Variants in MYH16 observed in about 807,000 individuals in gnomAD.
MYH16 encodes the protein putative uncharacterized protein MYH16.
At chr7:99,246,093 C>T (rs1210542318) in intron 2 of MYH16, among the ~76,000 whole-genome samples, 2 of 151,698 alleles carry the variant, frequency 1.3e-5, no homozygotes, top group East Asian at 3.9e-4. Flanking sequence ...GTAGTCCCAG[C>T]TACGTGGGAT....
chr7:99,309,946 T>C (rs112980096), downstream of MYH16, among the ~76,000 whole-genome samples: 3 of 151,780 alleles, frequency 2.0e-5, no homozygotes, highest in East Asian at 1.9e-4. Context: ...TGCTTGAACC[T>C]GTGAGGCAGA....
At chr7:99,246,021 G>A (rs945822427) in intron 2 of MYH16, among the ~76,000 whole-genome samples, 5 of 151,788 alleles carry the variant, frequency 3.3e-5, no homozygotes, top group African/African-American at 9.7e-5. Flanking sequence ...GAGCAACACG[G>A]CAAGACTCCC....
At chr7:99,252,386 T>C in intron 6 of MYH16, 1 of 153,038 alleles carries the variant, frequency 6.5e-6, no homozygotes, top group Non-Finnish European at 1.5e-5. Context: ...GGAGCAGAGG[T>C]GAGTACAGAC....
chr7:99,277,679 G>T, exon 21 of MYH16: 2 of 456,738 alleles, frequency 4.4e-6, no homozygotes, highest in Non-Finnish European at 8.8e-6. Flanking sequence ...CGCTCAGCCA[G>T]GAGAAGAATG....
chr7:99,282,672 T>C (rs750040737), intron 23 of MYH16, among the ~76,000 whole-genome samples: 40 of 151,950 alleles, frequency 2.6e-4, no homozygotes, highest in Middle Eastern at 3.4e-3. Flanking sequence ...AGCTTCGCAC[T>C]CTCACCTGAG....
At chr7:99,279,769 T>C (rs996741973) in intron 22 of MYH16, 32 bp downstream of exon 4, 1 of 448,470 alleles carries the variant, frequency 2.2e-6, no homozygotes, top group Non-Finnish European at 4.5e-6. Flanking sequence ...GCCACGCTTT[T>C]CTCAGGCCAC....
chr7:99,256,271 T>C (rs1198496593), intron 9 of MYH16, among the ~76,000 whole-genome samples: 1 of 71,034 alleles, frequency 1.4e-5, no homozygotes, highest in Non-Finnish European at 2.7e-5. Flanking sequence ...AGATCCCGTC[T>C]CTGCAAAAAA....
intron 28 of MYH16, 79 bp from the exon 10 acceptor site, chr7:99,287,813 C>T (rs1792301174): frequency 2.4e-6 from 1 of 409,336 alleles, no homozygotes; most frequent in African/African-American, 2.1e-5. Flanking sequence ...ATCAGGGGAC[C>T]ACCGAGCAGC....
At chr7:99,283,620 A>C (rs1364701536) in exon 24 of MYH16, 5 of 456,498 alleles carry the variant, frequency 1.1e-5, no homozygotes. Flanking sequence ...CTGACCAAAA[A>C]TAACAGCAAG....
chr7:99,256,144 A>C (rs1255224021), intron 9 of MYH16, among the ~76,000 whole-genome samples: 1 of 152,006 alleles, frequency 6.6e-6, no homozygotes, highest in Non-Finnish European at 1.5e-5. Flanking sequence ...TGAAGCCTTA[A>C]CAATAATAAT....
At chr7:99,280,158 C>A (rs1266281115) in intron 22 of MYH16, among the ~76,000 whole-genome samples, 4 of 152,184 alleles carry the variant, frequency 2.6e-5, no homozygotes, top group Admixed American at 2.6e-4. Flanking sequence ...CAGGCATGGG[C>A]CACCATACCC....
intron 9 of MYH16, chr7:99,257,235 C>G (rs1791882354): frequency 6.5e-6 from 1 of 152,710 alleles, no homozygotes; most frequent in Non-Finnish European, 1.5e-5. Context: ...GTGTGGCAGT[C>G]CCATGGCCTC....
At chr7:99,284,956 C>T (rs902252583) in intron 26 of MYH16, 21 bp downstream of exon 8, 3 of 456,366 alleles carry the variant, frequency 6.6e-6, no homozygotes, top group Admixed American at 4.7e-5. Context: ...GACCGAGAAG[C>T]ATGAGCTCTC....
chr7:99,282,462 ATTTTATTTTTTTTTAT>A (rs1235874207), intron 23 of MYH16, among the ~76,000 whole-genome samples: 1 of 148,306 alleles, frequency 6.7e-6, no homozygotes, highest in African/African-American at 2.6e-5. Flanking sequence ...TGGTCATAAC[ATTTTATTTTTTTTTAT>A]TTTTATTTTT....
chr7:99,290,641 A>T (rs1428936039), intron 30 of MYH16, among the ~76,000 whole-genome samples: 1 of 152,044 alleles, frequency 6.6e-6, no homozygotes, highest in Non-Finnish European at 1.5e-5. Context: ...CTCTACTAAA[A>T]ATACAAAAAA....
chr7:99,299,086 T>A (rs1043626647), intron 36 of MYH16, among the ~76,000 whole-genome samples: 15 of 144,906 alleles, frequency 1.0e-4, no homozygotes, highest in East Asian at 4.1e-4. Flanking sequence ...AAAATAAAAA[T>A]AAAAAAAAAA....
intron 23 of MYH16, among the ~76,000 whole-genome samples, chr7:99,283,009 A>G (rs1792222978): frequency 6.6e-6 from 1 of 152,152 alleles, no homozygotes; most frequent in Non-Finnish European, 1.5e-5. Flanking sequence ...CCAGAGCAAA[A>G]TGGGATGTCC....
intron 21 of MYH16, among the ~76,000 whole-genome samples, chr7:99,279,054 G>A (rs563611024): frequency 1.3e-5 from 2 of 152,172 alleles, no homozygotes; most frequent in East Asian, 1.9e-4. Context: ...TTAGCCGGGT[G>A]TGGTGGCACA....
intron 20 of MYH16, among the ~76,000 whole-genome samples, chr7:99,276,966 G>A (rs1267093178): frequency 2.6e-5 from 4 of 151,518 alleles, no homozygotes; most frequent in Admixed American, 1.3e-4. Flanking sequence ...ACAGAAACAC[G>A]GAGAGAGAAA....
Sources: allele counts gnomAD v4.1 joint callset (sites outside exome capture counted in the v4.1 genomes callset), GRCh38; gene constraint gnomAD v4.1.1; transcripts MANE v1.5; gene names NCBI Gene and HGNC (gene_info 2026-07-23, HGNC 2026-07-21).